Variants in SMARCC1 observed in about 807,000 individuals in gnomAD.
The protein encoded by SMARCC1 is SWI/SNF related BAF chromatin remodeling complex subunit C1.
SMARCC1 carries 43 observed loss-of-function variants against 147.4 expected under a neutral mutation model. The ratio of observed to expected loss-of-function variants is 0.29; its 90% CI spans 0.23 to 0.38. The LOEUF (loss-of-function observed/expected upper bound fraction) is 0.38, where lower values mean the gene tolerates loss of function less well. Ranked by LOEUF, SMARCC1 falls within the 10% of genes least tolerant of loss-of-function variation. The pLI is 1.00. For synonymous variants in SMARCC1, 495 were observed against 484.4 expected, an observed-to-expected ratio of 1.02 and a Z score of -0.29; for missense variants, 1,119 against 1,381.1, an observed-to-expected ratio of 0.81 and a Z score of 3.01.
In SMARCC1 at chr3:47,586,209, T is replaced by C. The variant is rs2032069197; in HGVS notation, c.*2000A>G. 4 of 152,204 alleles carry C rather than the reference T, an allele frequency of 2.6e-5. No individual in the cohort carries two copies. 9.4% of individuals were successfully genotyped at this position (152,204 alleles called of 1,614,324 possible). On this transcript the variant is annotated 3_prime_UTR_variant, in exon 28 of 28. Coordinates refer to ENST00000254480, the MANE Select transcript of SMARCC1 (RefSeq NM_003074.4). Reference sequence around the variant, plus strand: ...ATATTTCCACCTGGATCTTTTAAATTTGAAAGTGATCACATTAAAGACCTG... The same window carrying C: ...ATATTTCCACCTGGATCTTTTAAATCTGAAAGTGATCACATTAAAGACCTG...
rs10662354 is a variant in SMARCC1 at position 47,780,168 on chromosome 3, G to GTTTT, written c.195+1431_195+1434dup. On this transcript the variant is annotated intron_variant, in intron 1 of 27. Coordinates refer to ENST00000254480, the MANE Select transcript of SMARCC1 (RefSeq NM_003074.4). ...ATTTCTGGGTCTTTGGTTTTTTTTT[G>GTTTT]TTTTTTTTTTTTTTTTTTTTTTGGA... Among the ~76,000 whole-genome samples, 285 of 61,826 alleles carry GTTTT rather than the reference G, an allele frequency of 4.6e-3. 16 individuals carry two copies. Among genetic ancestry groups the GTTTT allele is most frequent in the South Asian group, 0.011 (16 of 1,464 alleles). The allele number at this position is 61,826 out of a possible 152,430, so 40.6% of individuals were successfully genotyped here.
chr3:47,622,465 G>A, intron 24 of SMARCC1, 124 bp from the exon 25 acceptor site: 2 of 862,674 alleles, frequency 2.3e-6, no homozygotes, highest in Non-Finnish European at 3.7e-6. Flanking sequence ...TGTCTCCTTT[G>A]TAACGTACAA....
intron 10 of SMARCC1, 94 bp downstream of exon 10, chr3:47,706,315 G>T: frequency 8.3e-7 from 1 of 1,205,436 alleles, no homozygotes; most frequent in Non-Finnish European, 1.1e-6. Context: ...CAGTTGATCT[G>T]CCCACCTCAG....
At chr3:47,773,690 C>T (rs957064665) in intron 1 of SMARCC1, among the ~76,000 whole-genome samples, 47 of 151,744 alleles carry the variant, frequency 3.1e-4, no homozygotes, top group African/African-American at 1.1e-3. Flanking sequence ...AGTGCAATGG[C>T]ATCATCTCAG....
Position 47,720,691 on chromosome 3 carries a change from C to A in SMARCC1, c.691G>T (p.Val231Leu). 1.9e-6 allele frequency: 3 copies of A among 1,612,934 alleles called. No individual in the cohort carries two copies. The highest frequency in any genetic ancestry group is 2.5e-6 in the Non-Finnish European group (3 of 1,178,996). Reference sequence around the variant, plus strand: ...CTGTCTGGGTAAAAGCCCCAATGCACTAACACTTGCTTCTCTTTTCTCATC... The same window carrying A: ...CTGTCTGGGTAAAAGCCCCAATGCAATAACACTTGCTTCTCTTTTCTCATC... ...PVMRKEKQVL[V>L]HWGFYPDSYD... The change falls in exon 7 of 28, where the codon GTG (valine) becomes TTG (leucine). Residue 231 changes from valine to leucine, a missense_variant. Physicochemically the swap from Val to Leu is conservative, Grantham distance 32. This residue lies in a region of SMARCC1 where 542 missense variants were observed against 611.8 expected (regional missense o/e 0.89). Coordinates refer to ENST00000254480, the MANE Select transcript of SMARCC1 (RefSeq NM_003074.4).
intron 13 of SMARCC1, among the ~76,000 whole-genome samples, chr3:47,688,360 G>A (rs2033753950): frequency 6.6e-6 from 1 of 150,738 alleles, no homozygotes; most frequent in South Asian, 2.1e-4. Context: ...CATAAGAAAA[G>A]AGTTTCTTGA....
At chr3:47,626,317 T>C (rs1230858396) in intron 24 of SMARCC1, among the ~76,000 whole-genome samples, 2 of 151,746 alleles carry the variant, frequency 1.3e-5, no homozygotes, top group Non-Finnish European at 2.9e-5. Context: ...CGGCTAATTT[T>C]TGTATTTTTA....
In SMARCC1 at chr3:47,772,832, G is replaced by A. The variant is rs1405632959; in HGVS notation, c.300C>T (p.Ala100=). 2 of 1,612,854 alleles carry A rather than the reference G, an allele frequency of 1.2e-6. No individual in the cohort carries two copies. Among genetic ancestry groups the A allele is most frequent in the Admixed American group, 1.7e-5 (1 of 59,900 alleles). The change falls in exon 2 of 28, where the codon GCC becomes GCT. Residue 100 remains alanine (A), a synonymous_variant. Coordinates refer to ENST00000254480, the MANE Select transcript of SMARCC1 (RefSeq NM_003074.4). ...DAFGKHVTNP[A]FTKLPAKCFM... ...ATGTACTTACAGGGAGTTTGGTGAA[G>A]GCCGGGTTGGTGACATGCTTCCCAA...
intron 2 of SMARCC1, among the ~76,000 whole-genome samples, chr3:47,766,788 C>T (rs904159057): frequency 1.3e-5 from 2 of 152,150 alleles, no homozygotes; most frequent in South Asian, 4.1e-4. Flanking sequence ...ATACCTTTAG[C>T]CTTAGCCTTA....
chr3:47,770,946 C>T (rs2034906207), intron 2 of SMARCC1, among the ~76,000 whole-genome samples: 1 of 152,150 alleles, frequency 6.6e-6, no homozygotes, highest in African/African-American at 2.4e-5. Flanking sequence ...GAGTCTCACT[C>T]TGTCGCCCAG....
rs201549550 is a variant in SMARCC1 at position 47,706,484 on chromosome 3, G to A, written c.965C>T (p.Ala322Val). The change falls in exon 10 of 28, where the codon GCT becomes GTT. Residue 322 changes from alanine to valine, a missense_variant. Around this residue, in one of 6 missense-constraint regions of SMARCC1, gnomAD observed 542 missense variants for 611.8 expected, o/e 0.89. Transcript: ENST00000254480. The stretch of plus-strand genomic sequence containing the variant: ...CGAAGGCGAATGTTTCCTCTTTCGA[G>A]CATTAGCTGATGCTTTTCTATCTCT... ...ERRDRKASAN[A>V]RKRKHSPSPP... 7.0e-6 allele frequency: 11 copies of A among 1,582,296 alleles called. No individual in the cohort carries two copies. The South Asian group carries it at 1.2e-4, about 17-fold the overall frequency.
intron 2 of SMARCC1, among the ~76,000 whole-genome samples, chr3:47,767,245 CTTTTT>C (rs1354572113): frequency 8.3e-6 from 1 of 120,956 alleles, no homozygotes; most frequent in South Asian, 3.0e-4. Flanking sequence ...TCCTTTTTCT[CTTTTT>C]TTTTTTGAGA....
At chr3:47,660,320 C>A (rs920155047) in intron 21 of SMARCC1, among the ~76,000 whole-genome samples, 1 of 151,800 alleles carries the variant, frequency 6.6e-6, no homozygotes, top group Non-Finnish European at 1.5e-5. Context: ...GTGGCAGGCG[C>A]CTGTAGTCCC....
At chr3:47,763,261 C>T (rs2106864279) in intron 2 of SMARCC1, among the ~76,000 whole-genome samples, 1 of 151,676 alleles carries the variant, frequency 6.6e-6, no homozygotes, top group East Asian at 2.0e-4. Context: ...ATCCTCCTGC[C>T]TCAGCCTCCC....
chr3:47,740,207 TTTTTA>T (rs2034493560), intron 3 of SMARCC1, among the ~76,000 whole-genome samples: 4 of 130,962 alleles, frequency 3.1e-5, no homozygotes, highest in South Asian at 5.2e-4. Flanking sequence ...TTTTTTTTTT[TTTTTA>T]AAAGACAGAC....
At chr3:47,742,290 G>GT (rs2034518165) in intron 3 of SMARCC1, among the ~76,000 whole-genome samples, 1 of 151,616 alleles carries the variant, frequency 6.6e-6, no homozygotes, top group Non-Finnish European at 1.5e-5. Flanking sequence ...AAAAAAACAT[G>GT]TAACAATCTC....
chr3:47,739,858 A>G (rs1183757890), intron 3 of SMARCC1, among the ~76,000 whole-genome samples: 1 of 152,090 alleles, frequency 6.6e-6, no homozygotes, highest in Non-Finnish European at 1.5e-5. Context: ...CTTGCTCTAT[A>G]AAGCTAAGCC....
At chr3:47,677,417 T>TG in intron 16 of SMARCC1, among the ~76,000 whole-genome samples, 1 of 135,056 alleles carries the variant, frequency 7.4e-6, no homozygotes, top group East Asian at 2.3e-4. Context: ...TTTTTTTTTT[T>TG]AATTTCGGCA....
At position 47,708,095 on chromosome 3, in the gene SMARCC1, T is replaced by C. The variant is rs1029083609; in HGVS notation, c.919-1565A>G. On this transcript the variant is annotated intron_variant, in intron 9 of 27. Transcript: ENST00000254480. ...TTGAATTTTTTTTCTTTTTTTTTTTTTTTTTTTTTTTTTTTTTTTTTTGAG... is the reference window on the plus strand; with the variant it reads ...TTGAATTTTTTTTCTTTTTTTTTTTCTTTTTTTTTTTTTTTTTTTTTTGAG... Among the ~76,000 whole-genome samples, 17 of 110,232 alleles carry C rather than the reference T, an allele frequency of 1.5e-4. 1 individual carries two copies. The highest frequency in any genetic ancestry group is 7.7e-4 in the East Asian group (3 of 3,898). The allele number at this position is 110,232 out of a possible 152,430, so 72.3% of individuals were successfully genotyped here. A position where few individuals can be genotyped will look rare whatever the true frequency, so the allele number is the denominator to read the frequency against.
Sources: allele counts gnomAD v4.1 joint callset (sites outside exome capture counted in the v4.1 genomes callset), GRCh38; gene constraint gnomAD v4.1.1; regional missense constraint gnomAD v4.1.1; transcripts MANE v1.5; gene names NCBI Gene and HGNC (gene_info 2026-07-23, HGNC 2026-07-21).